L2HGDH: variants seen among roughly 807,000 people sequenced by gnomAD.
L2HGDH encodes L-2-hydroxyglutarate dehydrogenase.
L2HGDH carries 34 observed loss-of-function variants against 51.5 expected under a neutral mutation model. The observed-to-expected ratio is 0.66, with a 90% confidence interval of 0.50 to 0.88. The LOEUF (loss-of-function observed/expected upper bound fraction) is 0.88. Ranked by LOEUF, L2HGDH falls within the 40% of genes least tolerant of loss-of-function variation. The pLI is 0.00. For missense variants in L2HGDH, 558 were observed against 571.9 expected (o/e 0.98, Z 0.25); for synonymous variants, 198 against 197.9 (o/e 1.00, Z -0.01).
chr14:50,311,657 T>C (rs1315547238), intron 1 of L2HGDH, among the ~76,000 whole-genome samples: 1 of 152,226 alleles, frequency 6.6e-6, no homozygotes, highest in Non-Finnish European at 1.5e-5. Flanking sequence ...TACTGTGTGC[T>C]AGGTCCTTTT....
At chr14:50,255,152 T>C (rs1304965371) in intron 9 of L2HGDH, among the ~76,000 whole-genome samples, 1 of 152,162 alleles carries the variant, frequency 6.6e-6, no homozygotes, top group Non-Finnish European at 1.5e-5. Flanking sequence ...CATTCCCTTT[T>C]CAAGCACTTA....
chr14:50,254,520 A>G (rs1888547337), intron 9 of L2HGDH, among the ~76,000 whole-genome samples: 1 of 152,024 alleles, frequency 6.6e-6, no homozygotes, highest in Admixed American at 6.6e-5. Context: ...CCTCAACATC[A>G]GGACCAGCCA....
intron 8 of L2HGDH, among the ~76,000 whole-genome samples, chr14:50,266,108 T>C (rs1293553624): frequency 6.7e-6 from 1 of 149,012 alleles, no homozygotes; most frequent in African/African-American, 2.5e-5. Flanking sequence ...ATTGTGCCAC[T>C]GCATTTCAGC....
At chr14:50,265,304 C>T in intron 9 of L2HGDH, 54 bp downstream of exon 9, 2 of 1,515,452 alleles carry the variant, frequency 1.3e-6, no homozygotes. Flanking sequence ...AGACCCACCT[C>T]TCAAGTTCAC....
intron 9 of L2HGDH, among the ~76,000 whole-genome samples, chr14:50,263,964 A>T (rs923740347): frequency 1.3e-5 from 2 of 151,026 alleles, no homozygotes; most frequent in African/African-American, 4.9e-5. Context: ...TAATAGAGAC[A>T]AGGTTTCTCC....
In L2HGDH at chr14:50,257,373, A is replaced by ATT. The variant is rs34937042; in HGVS notation, c.1196+7983_1196+7984dup. On this transcript the variant is annotated intron_variant, in intron 9 of 9. Transcript: ENST00000267436. ...CTAGTCATCTGAGGTTTTTCCTTTA[A>ATT]TTTTTTTTTTTTTTGAGACAGGGTC... is the stretch of plus-strand genomic sequence containing the variant. Among the ~76,000 whole-genome samples the ATT allele has an allele frequency of 1.4e-3, 196 of 145,154 alleles. 1 individual carries two copies. The highest frequency in any genetic ancestry group is 2.7e-3 in the Admixed American group (40 of 14,690).
At chr14:50,301,803 G>A (rs1190677544) in intron 3 of L2HGDH, among the ~76,000 whole-genome samples, 3 of 152,052 alleles carry the variant, frequency 2.0e-5, no homozygotes, top group African/African-American at 7.3e-5. Flanking sequence ...CTTTAAAAGG[G>A]CGAATTGTAT....
intron 4 of L2HGDH, among the ~76,000 whole-genome samples, chr14:50,287,863 A>G (rs775925906): frequency 1.8e-4 from 27 of 151,522 alleles, no homozygotes; most frequent in Non-Finnish European, 3.2e-4. Context: ...ACGCCTGGCT[A>G]TTTTTTGTAT....
chr14:50,306,539 A>G (rs184593946), intron 1 of L2HGDH, among the ~76,000 whole-genome samples: 18 of 150,930 alleles, frequency 1.2e-4, no homozygotes, highest in African/African-American at 4.4e-4. Context: ...CTTGACTTCC[A>G]TAATAATGCT....
chr14:50,310,797 C>G (rs1011931631), intron 1 of L2HGDH, among the ~76,000 whole-genome samples: 2 of 152,062 alleles, frequency 1.3e-5, no homozygotes, highest in African/African-American at 4.8e-5. Flanking sequence ...AAGAACTGTC[C>G]ACATGCCCCA....
chr14:50,280,534 C>T (rs1041995490), intron 5 of L2HGDH, among the ~76,000 whole-genome samples: 1 of 152,172 alleles, frequency 6.6e-6, no homozygotes, highest in African/African-American at 2.4e-5. Flanking sequence ...GTACTCTTCA[C>T]ATAGACACCA....
At chr14:50,258,660 C>T (rs569871496) in intron 9 of L2HGDH, among the ~76,000 whole-genome samples, 4 of 151,566 alleles carry the variant, frequency 2.6e-5, no homozygotes, top group Non-Finnish European at 5.9e-5. Context: ...ACTACAGGAA[C>T]ATGCCACCAC....
chr14:50,283,045 A>G (rs1211058032), intron 5 of L2HGDH, among the ~76,000 whole-genome samples: 2 of 151,824 alleles, frequency 1.3e-5, no homozygotes, highest in Non-Finnish European at 2.9e-5. Flanking sequence ...AAAGAAAAAT[A>G]CAAAAATTAG....
chr14:50,300,451 C>A (rs976774402), intron 3 of L2HGDH, among the ~76,000 whole-genome samples: 1 of 151,950 alleles, frequency 6.6e-6, no homozygotes, highest in African/African-American at 2.4e-5. Context: ...TGTGCCACCA[C>A]ACCCGGCTAA....
intron 9 of L2HGDH, among the ~76,000 whole-genome samples, chr14:50,254,778 C>G (rs1228446386): frequency 6.6e-6 from 1 of 152,028 alleles, no homozygotes; most frequent in East Asian, 1.9e-4. Flanking sequence ...GAGGCTCATG[C>G]TTGTAATCCT....
At chr14:50,296,828 T>C (rs970455853) in intron 3 of L2HGDH, among the ~76,000 whole-genome samples, 6 of 152,040 alleles carry the variant, frequency 3.9e-5, no homozygotes, top group South Asian at 2.1e-4. Context: ...TCGTAAGAAA[T>C]TGCAAACCAA....
chr14:50,280,309 G>C (rs1022317979), intron 5 of L2HGDH, among the ~76,000 whole-genome samples: 8 of 151,798 alleles, frequency 5.3e-5, no homozygotes, highest in Non-Finnish European at 1.0e-4. Context: ...TGGGATTACA[G>C]GCACGTATCA....
At chr14:50,262,305 C>T (rs1309296015) in intron 9 of L2HGDH, among the ~76,000 whole-genome samples, 1 of 151,822 alleles carries the variant, frequency 6.6e-6, no homozygotes. Flanking sequence ...TGGCACGTGC[C>T]TGTAATCCCA....
chr14:50,280,064 GAA>G lies in L2HGDH; in HGVS notation c.704-1512_704-1511del, dbSNP rs201567688. Among the ~76,000 whole-genome samples, 159 of 118,064 alleles carry G rather than the reference GAA, an allele frequency of 1.3e-3. 1 individual carries two copies. Among genetic ancestry groups the G allele is most frequent in the Middle Eastern group, 4.2e-3 (1 of 238 alleles). 77.5% of individuals were successfully genotyped at this position (118,064 alleles called of 152,430 possible). ...AATAGGGTGAGACTCCGTCTCAAAA[GAA>G]AAAAAAAAAAAAAAGAAATATACAA... is the stretch of plus-strand genomic sequence containing the variant. On this transcript the variant is annotated intron_variant, in intron 5 of 9. Transcript: ENST00000267436.
Sources: gnomAD v4.1 joint callset for allele counts (sites outside exome capture counted in the v4.1 genomes callset) on GRCh38, gnomAD v4.1.1 for gene constraint, MANE v1.5 for transcripts, NCBI Gene and HGNC (gene_info 2026-07-23, HGNC 2026-07-21) for gene names.